The following GRIK5 variants were observed in gnomAD, a reference collection of about 807,000 sequenced individuals.
GRIK5 encodes glutamate ionotropic receptor kainate type subunit 5.
A neutral mutation model predicts 97.4 loss-of-function variants in GRIK5; 43 were observed. The ratio of observed to expected loss-of-function variants is 0.44; its 90% CI spans 0.35 to 0.57. The LOEUF is 0.57. Ranked by LOEUF, GRIK5 falls within the 20% of genes least tolerant of loss-of-function variation. GRIK5 has a pLI of 0.01. For synonymous variants in GRIK5, 580 were observed against 583.5 expected (o/e 0.99, Z 0.09); for missense variants, 1,015 against 1,382.0 (o/e 0.73, Z 4.21).
Position 41,999,421 on chromosome 19 carries a change from G to GCTTCCCTTCCCACTTCT in GRIK5, c.2515-139_2515-123dup. On this transcript the variant is annotated intron_variant, in intron 19 of 19. Transcript: ENST00000593562. The surrounding 1 kb of genome is among the most constrained non-coding windows in gnomAD (Gnocchi z 5.0). ...CCGGGTCTTTCTTCCTTCTGCCCTC[G>GCTTCCCTTCCCACTTCT]CTTCCCTTCCCACTTCTCTTCCCTT... is the stretch of plus-strand genomic sequence containing the variant. 1 of 719,552 alleles carries GCTTCCCTTCCCACTTCT rather than the reference G, an allele frequency of 1.4e-6. No homozygotes were observed. Among genetic ancestry groups the GCTTCCCTTCCCACTTCT allele is most frequent in the Non-Finnish European group, 2.1e-6 (1 of 466,626 alleles). The allele number at this position is 719,552 out of a possible 1,614,324, so 44.6% of individuals were successfully genotyped here.
rs2076065738 is a variant in GRIK5, at chr19:42,048,054, TG to T, written c.1270-5300del. Among the ~76,000 whole-genome samples the T allele has an allele frequency of 2.6e-5, 4 of 151,788 alleles. 1 individual carries two copies. In the South Asian group the frequency reaches 8.3e-4, roughly 32 times the overall value. On this transcript the variant is annotated intron_variant, in intron 11 of 19. Coordinates refer to ENST00000593562, the MANE Select transcript of GRIK5 (RefSeq NM_002088.5). The stretch of plus-strand genomic sequence containing the variant: ...TACATAAAAATCAATTTCAGGAGGA[TG>T]GCAGACCCAAATGTAAAAGGCAAAA...
At chr19:42,055,751 C>T (rs2076174930) in intron 8 of GRIK5, among the ~76,000 whole-genome samples, 1 of 152,096 alleles carries the variant, frequency 6.6e-6, no homozygotes, top group African/African-American at 2.4e-5. Context: ...ACAATCTTGG[C>T]TCACTGCAAC....
intron 11 of GRIK5, chr19:42,043,031 T>C (rs2075998554): frequency 7.7e-6 from 4 of 518,828 alleles, no homozygotes; most frequent in Non-Finnish European, 1.4e-5. Flanking sequence ...CAAGCTCAAA[T>C]GCGTATGAGG....
At chr19:42,012,792 G>A (rs2075579339) in intron 15 of GRIK5, among the ~76,000 whole-genome samples, 1 of 151,894 alleles carries the variant, frequency 6.6e-6, no homozygotes, top group African/African-American at 2.4e-5. Context: ...CCTTAAGCCT[G>A]GGAGGTTGAG....
chr19:42,024,121 C>G (rs534351984), intron 12 of GRIK5, among the ~76,000 whole-genome samples: 4 of 152,094 alleles, frequency 2.6e-5, no homozygotes, highest in African/African-American at 9.7e-5. Context: ...GTTCCAGGCT[C>G]CCATCACACC....
intron 3 of GRIK5, chr19:42,063,643 G>C: frequency 4.0e-6 from 1 of 250,296 alleles, no homozygotes; most frequent in Non-Finnish European, 8.0e-6. Flanking sequence ...TGCTGCTGGG[G>C]CCATCTCACC....
intron 19 of GRIK5, among the ~76,000 whole-genome samples, chr19:42,001,421 G>A (rs1007158768): frequency 6.6e-6 from 1 of 152,130 alleles, no homozygotes; most frequent in Non-Finnish European, 1.5e-5. Context: ...TAGAGACAGG[G>A]TTTCACCATG....
chr19:42,008,435 T>C (rs2146021884), intron 15 of GRIK5, among the ~76,000 whole-genome samples: 1 of 152,286 alleles, frequency 6.6e-6, no homozygotes, highest in South Asian at 2.1e-4. Context: ...AAGGACAACC[T>C]GGCCAACATG....
At chr19:42,047,697 C>T (rs554253917) in intron 11 of GRIK5, among the ~76,000 whole-genome samples, 13 of 151,976 alleles carry the variant, frequency 8.6e-5, no homozygotes, top group African/African-American at 2.7e-4. Context: ...TGGCCAAGTG[C>T]GGTGGATCAT....
chr19:42,054,408 C>A lies in GRIK5; in HGVS notation c.968G>T (p.Arg323Leu), dbSNP rs1004509650. ...VVVSAVRELN[R>L]SQEIGVKPLA... ...AGGCTTCACACCGATCTCCTGGCTGCGGTTCAGCTCTCGGACAGCGCTCAC... is the reference window on the plus strand; with the variant it reads ...AGGCTTCACACCGATCTCCTGGCTGAGGTTCAGCTCTCGGACAGCGCTCAC... Residue 323 changes from arginine to leucine, a missense_variant, in exon 9 of 20, where the codon CGC (arginine) becomes CTC (leucine). This residue lies in a region of GRIK5 where 477 missense variants were observed against 701.1 expected (regional missense o/e 0.68). Transcript: ENST00000593562. 1.2e-6 allele frequency: 2 copies of A among 1,613,572 alleles called. No individual in the cohort carries two copies. Among genetic ancestry groups the A allele is most frequent in the African/African-American group, 2.7e-5 (2 of 74,920 alleles).
chr19:42,028,596 C>T (rs1304509673), intron 12 of GRIK5, among the ~76,000 whole-genome samples: 1 of 152,268 alleles, frequency 6.6e-6, no homozygotes, highest in Non-Finnish European at 1.5e-5. Context: ...CTCTCCAGAA[C>T]CCAGCACCAG....
At chr19:42,050,908 G>T (rs368728716) in intron 11 of GRIK5, among the ~76,000 whole-genome samples, 1 of 152,062 alleles carries the variant, frequency 6.6e-6, no homozygotes, top group Non-Finnish European at 1.5e-5. Context: ...GCTCTCACAC[G>T]TACCTTGGGC....
At chr19:42,039,082 C>T (rs1169187949) in intron 12 of GRIK5, among the ~76,000 whole-genome samples, 1 of 152,192 alleles carries the variant, frequency 6.6e-6, no homozygotes, top group Non-Finnish European at 1.5e-5. Flanking sequence ...CGTTCTCCCG[C>T]CTGAGGCCCA....
chr19:42,068,472 G>A (rs2076372677), intron 1 of GRIK5: 2 of 353,164 alleles, frequency 5.7e-6, no homozygotes, highest in South Asian at 2.8e-4. Flanking sequence ...GAGAGGTGGG[G>A]CAGCAGCTGA....
chr19:42,062,616 C>A lies in GRIK5; in HGVS notation c.380G>T (p.Arg127Leu), dbSNP rs766852259. The A allele has an allele frequency of 1.2e-6, 2 of 1,614,124 alleles. No individual in the cohort carries two copies. The highest frequency in any genetic ancestry group is 1.7e-6 in the Non-Finnish European group (2 of 1,180,000). ...HIKVGPEETP[R>L]LQYLRFASVS... ...AGACGCGAAGCGAAGGTACTGAAGG[C>A]GGGGTGTCTCCTCGGGACCCACCTT... The change falls in exon 5 of 20, where the codon CGC becomes CTC. Residue 127 changes from arginine (R) to leucine (L), a missense_variant. By Grantham distance (102) the Arg-to-Leu change is moderately radical. Around this residue, in one of 5 missense-constraint regions of GRIK5, gnomAD observed 198 missense variants for 218.2 expected, o/e 0.91. Transcript: ENST00000593562. This position sits in a 1 kb window ranked among gnomAD's most constrained non-coding sequence, Gnocchi z 5.3.
At chr19:42,004,289 G>A (rs1375166769) in intron 17 of GRIK5, among the ~76,000 whole-genome samples, 4 of 152,050 alleles carry the variant, frequency 2.6e-5, no homozygotes, top group South Asian at 2.1e-4. Flanking sequence ...GACACCAGAC[G>A]AATCCCCATC....
chr19:42,042,885 A>G lies in GRIK5; in HGVS notation c.1270-130T>C. The G allele has an allele frequency of 1.5e-6, 1 of 681,734 alleles. No homozygotes were observed. Among genetic ancestry groups the G allele is most frequent in the Non-Finnish European group, 2.5e-6 (1 of 403,660 alleles). The allele number at this position is 681,734 out of a possible 1,614,324, so 42.2% of individuals were successfully genotyped here. ...AGCACGGTTGATTTATTCATAGTAC[A>G]CATTTCTCACTTACAAATGCTCAGA... On this transcript the variant is annotated intron_variant, in intron 11 of 19. Transcript: ENST00000593562. The surrounding 1 kb of genome is among the most constrained non-coding windows in gnomAD (Gnocchi z 6.9).
chr19:42,029,351 C>A (rs1399428632), intron 12 of GRIK5, among the ~76,000 whole-genome samples: 1 of 151,782 alleles, frequency 6.6e-6, no homozygotes, highest in African/African-American at 2.4e-5. Flanking sequence ...CAGGCGTGAG[C>A]CACCGAGCCT....
chr19:42,064,995 C>T (rs547359100), intron 3 of GRIK5, among the ~76,000 whole-genome samples: 8 of 152,378 alleles, frequency 5.3e-5, no homozygotes, highest in Middle Eastern at 3.4e-3. Context: ...ATCTTTTCAA[C>T]GCCGCCCCGT....
Sources: allele counts gnomAD v4.1 joint callset (sites outside exome capture counted in the v4.1 genomes callset), GRCh38; gene constraint gnomAD v4.1.1; regional missense constraint gnomAD v4.1.1; non-coding constraint Gnocchi (gnomAD v3.1); transcripts MANE v1.5; gene names NCBI Gene and HGNC (gene_info 2026-07-23, HGNC 2026-07-21).